The following CRPPA variants were observed in gnomAD, a reference collection of about 807,000 sequenced individuals.
CRPPA encodes D-ribitol-5-phosphate cytidylyltransferase.
CRPPA carries 43 observed loss-of-function variants against 52.0 expected under a neutral mutation model. The observed-to-expected ratio is 0.83, with a 90% CI of 0.65 to 1.07. The LOEUF is 1.07. Ranked by LOEUF, CRPPA falls within the 50% of genes least tolerant of loss-of-function variation. The pLI, the probability that CRPPA is intolerant of heterozygous loss-of-function variation, is 0.00. For missense variants in CRPPA, 629 were observed against 551.7 expected, an observed-to-expected ratio of 1.14 and a Z score of -1.40; for synonymous variants, 250 against 203.5, an observed-to-expected ratio of 1.23 and a Z score of -1.94.
At chr7:16,367,185 C>A (rs1164606643) in intron 3 of CRPPA, among the ~76,000 whole-genome samples, 2 of 143,330 alleles carry the variant, frequency 1.4e-5, no homozygotes, top group African/African-American at 5.3e-5. Flanking sequence ...AAAAAAAAAA[C>A]TTATGCCTTC....
intron 9 of CRPPA, chr7:16,210,503 T>G (rs1782104516): frequency 6.6e-6 from 1 of 152,180 alleles, no homozygotes; most frequent in Admixed American, 6.5e-5. Flanking sequence ...AGACACTCTG[T>G]GCAAAGAACA....
At position 16,421,315 on chromosome 7, in the gene CRPPA, G is replaced by T; in HGVS notation, c.8C>A (p.Ala3Asp). 1 of 1,254,746 alleles carries T rather than the reference G, an allele frequency of 8.0e-7. No individual in the cohort carries two copies. Among genetic ancestry groups the T allele is most frequent in the Non-Finnish European group, 1.0e-6 (1 of 995,960 alleles). The allele number at this position is 1,254,746 out of a possible 1,614,324, so 77.7% of individuals were successfully genotyped here. ...CGGCCTGGCGCTGCCCGGCGGCCCG[G>T]CCTCCATGGCTGCGGGCGGAACGGC... ME[A>D]GPPGSARPAE... is the part of the protein sequence containing the mutation. Residue 3 changes from alanine (A) to aspartate (D), a missense_variant, in exon 1 of 10, where the codon GCC (alanine) becomes GAC (aspartate). Transcript: ENST00000407010.
chr7:16,396,154 A>T (rs992790844), intron 2 of CRPPA, among the ~76,000 whole-genome samples: 3 of 152,214 alleles, frequency 2.0e-5, no homozygotes, highest in African/African-American at 4.8e-5. Context: ...TAAGCCAGGA[A>T]AAAAACATTA....
intron 6 of CRPPA, among the ~76,000 whole-genome samples, chr7:16,259,224 T>C (rs992975870): frequency 2.0e-5 from 3 of 151,980 alleles, no homozygotes; most frequent in Non-Finnish European, 2.9e-5. Flanking sequence ...AACAAGGATA[T>C]AGAAAATTGT....
chr7:16,231,414 A>G (rs1391644580), intron 8 of CRPPA, among the ~76,000 whole-genome samples: 1 of 152,186 alleles, frequency 6.6e-6, no homozygotes, highest in South Asian at 2.1e-4. Flanking sequence ...ACATGTTATC[A>G]TGGTAAAAAG....
chr7:16,297,420 G>A (rs543520054), intron 5 of CRPPA, among the ~76,000 whole-genome samples: 1 of 152,156 alleles, frequency 6.6e-6, no homozygotes, highest in African/African-American at 2.4e-5. Context: ...GCATGTGTCA[G>A]GAGCAGGGAG....
intron 3 of CRPPA, among the ~76,000 whole-genome samples, chr7:16,374,162 T>G (rs1786819663): frequency 6.6e-6 from 1 of 152,242 alleles, no homozygotes; most frequent in East Asian, 1.9e-4. Context: ...AAAACCCACC[T>G]TCAATGTGGG....
chr7:16,184,093 C>G (rs937651978), intron 9 of CRPPA, among the ~76,000 whole-genome samples: 13 of 151,938 alleles, frequency 8.6e-5, no homozygotes, highest in Non-Finnish European at 1.5e-4. Context: ...AGGCGCACAC[C>G]ACCACGCCCC....
chr7:16,397,627 CGTGT>C (rs1010032347), intron 2 of CRPPA, among the ~76,000 whole-genome samples: 1 of 152,082 alleles, frequency 6.6e-6, no homozygotes, highest in African/African-American at 2.4e-5. Flanking sequence ...GTGACCAACA[CGTGT>C]GTGACACGTG....
At chr7:16,336,779 GA>G (rs1331402372) in intron 3 of CRPPA, among the ~76,000 whole-genome samples, 1 of 151,916 alleles carries the variant, frequency 6.6e-6, no homozygotes, top group Non-Finnish European at 1.5e-5. Context: ...GACCGAAAAT[GA>G]AAGGATGGAA....
chr7:16,283,698 T>C (rs1055622012), intron 5 of CRPPA, among the ~76,000 whole-genome samples: 4 of 151,772 alleles, frequency 2.6e-5, no homozygotes, highest in East Asian at 1.9e-4. Flanking sequence ...TTTAGTGAGA[T>C]AGAGCTGCAT....
At chr7:16,261,718 C>T (rs193217118) in intron 6 of CRPPA, among the ~76,000 whole-genome samples, 1 of 151,994 alleles carries the variant, frequency 6.6e-6, no homozygotes, top group African/African-American at 2.4e-5. Context: ...CACTGTGCCA[C>T]TATTTTTAAT....
At chr7:16,378,250 T>C (rs1786957596) in intron 2 of CRPPA, among the ~76,000 whole-genome samples, 2 of 111,324 alleles carry the variant, frequency 1.8e-5, no homozygotes, top group African/African-American at 3.4e-5. Context: ...CCTAATGCTA[T>C]CCCTCCCCCC....
At position 16,327,542 on chromosome 7, in the gene CRPPA, G is replaced by A. The variant is rs770280816; in HGVS notation, c.685-18915C>T. Among the ~76,000 whole-genome samples, 5 of 144,498 alleles carry A rather than the reference G, an allele frequency of 3.5e-5. No individual in the cohort carries two copies. The South Asian group carries it at 1.1e-3, about 32-fold the overall frequency. 94.8% of individuals were successfully genotyped at this position (144,498 alleles called of 152,430 possible). ...TGGGAAGCGGAGCTCGCAGTGAGCC[G>A]AGATTGCGCCACTGCAGTCCGCAGT... is the stretch of plus-strand genomic sequence containing the variant. On this transcript the variant is annotated intron_variant, in intron 3 of 9. Coordinates refer to ENST00000407010, the MANE Select transcript of CRPPA (RefSeq NM_001101426.4).
At chr7:16,311,108 G>A (rs567732978) in intron 3 of CRPPA, among the ~76,000 whole-genome samples, 1 of 152,010 alleles carries the variant, frequency 6.6e-6, no homozygotes, top group East Asian at 1.9e-4. Context: ...ACATATACAC[G>A]ACCTCTCCTA....
At chr7:16,273,959 C>A (rs1295131) in intron 6 of CRPPA, among the ~76,000 whole-genome samples, 26,210 of 152,180 alleles carry the variant, frequency 0.17, 2,793 homozygotes, top group African/African-American at 0.31. Flanking sequence ...AACCCCTTAG[C>A]CAGTCCTGCG....
At chr7:16,419,841 A>ATTTGAGTAATAATT (rs1220040113) in intron 1 of CRPPA, among the ~76,000 whole-genome samples, 1 of 152,096 alleles carries the variant, frequency 6.6e-6, no homozygotes, top group African/African-American at 2.4e-5. Flanking sequence ...GAAATGCTCG[A>ATTTGAGTAATAATT]TTTGAGTAAT....
At position 16,090,555 on chromosome 7, in the gene CRPPA, A is replaced by T. The variant is rs1348161401; in HGVS notation, c.*1140T>A. 3 of 140,572 alleles carry T rather than the reference A, an allele frequency of 2.1e-5. No homozygotes were observed. The highest frequency in any genetic ancestry group is 4.7e-5 in the Non-Finnish European group (3 of 64,474). The allele number at this position is 140,572 out of a possible 1,614,324, so 8.7% of individuals were successfully genotyped here. ...CCCTTCTCTACTAAAAATACAAAAA[A>T]AAAAAAAAAAAAAAAAAATTAGCCA... On this transcript the variant is annotated 3_prime_UTR_variant, in exon 10 of 10. Transcript: ENST00000407010.
intron 9 of CRPPA, among the ~76,000 whole-genome samples, chr7:16,126,468 T>C (rs1782583409): frequency 6.6e-6 from 1 of 152,148 alleles, no homozygotes; most frequent in South Asian, 2.1e-4. Context: ...ATCAAATGTG[T>C]ATAAAAGGCC....
Sources: gnomAD v4.1 joint callset for allele counts (sites outside exome capture counted in the v4.1 genomes callset) on GRCh38, gnomAD v4.1.1 for gene constraint, MANE v1.5 for transcripts, NCBI Gene and HGNC (gene_info 2026-07-23, HGNC 2026-07-21) for gene names.